Variants in PLD5 observed in about 807,000 individuals in gnomAD.
PLD5 encodes phospholipase D family member 5, also known as inactive phospholipase D5.
In PLD5, 36 loss-of-function variants were observed where a neutral mutation model predicts 61.1. That is an observed-to-expected ratio of 0.59 (90% CI 0.45 to 0.78). PLD5 has a LOEUF of 0.78. PLD5 is among the 30% of genes least tolerant of loss of function. The probability of loss-of-function intolerance (pLI) is 0.00; values close to 1 mark genes in which losing one functional copy is unlikely to be tolerated. For missense variants in PLD5, 515 were observed against 644.4 expected (o/e 0.80, Z 2.17); for synonymous variants, 243 against 242.8 (o/e 1.00, Z -0.01).
chr1:242,112,339 G>GA (rs1558233108), intron 7 of PLD5, among the ~76,000 whole-genome samples: 7 of 143,302 alleles, frequency 4.9e-5, no homozygotes, highest in African/African-American at 1.8e-4. Context: ...ATGTATATGT[G>GA]TATATATATA....
At chr1:242,501,282 C>T (rs1273440761) in intron 1 of PLD5, among the ~76,000 whole-genome samples, 1 of 152,182 alleles carries the variant, frequency 6.6e-6, no homozygotes, top group Non-Finnish European at 1.5e-5. Context: ...CTCTCATCAC[C>T]AGTGCTTTAA....
intron 2 of PLD5, among the ~76,000 whole-genome samples, chr1:242,292,206 T>A (rs1457653594): frequency 6.6e-6 from 1 of 152,176 alleles, no homozygotes; most frequent in Non-Finnish European, 1.5e-5. Context: ...TAATCCCAGA[T>A]ACTCAGTAGT....
In PLD5 at chr1:242,183,873, C is replaced by A. The variant is rs564915539; in HGVS notation, c.735+36115G>T. Among the ~76,000 whole-genome samples, 207 of 151,822 alleles carry A rather than the reference C, an allele frequency of 1.4e-3. 2 individuals are homozygous for A. Among genetic ancestry groups the A allele is most frequent in the African/African-American group, 4.6e-3 (192 of 41,384 alleles). On this transcript the variant is annotated intron_variant, in intron 5 of 9. Transcript: ENST00000536534. ...TCGCGCCACTGCACTCCAGCCTGGGCGACAGAGCGAGACTCCGTCTCAAAA... is the reference window on the plus strand; with the variant it reads ...TCGCGCCACTGCACTCCAGCCTGGGAGACAGAGCGAGACTCCGTCTCAAAA...
At chr1:242,525,197 C>T (rs981290554), upstream of PLD5, among the ~76,000 whole-genome samples, 3 of 152,338 alleles carry the variant, frequency 2.0e-5, no homozygotes, top group African/African-American at 7.2e-5. Context: ...GAGCCGTACA[C>T]GCTACTTTCA....
intron 5 of PLD5, among the ~76,000 whole-genome samples, chr1:242,163,272 T>A (rs1020738084): frequency 6.6e-6 from 1 of 151,676 alleles, no homozygotes; most frequent in Admixed American, 6.6e-5. Context: ...GCCTCCCGAG[T>A]AGCTGGGACT....
At chr1:242,236,026 T>A (rs1237840261) in intron 4 of PLD5, 1 of 152,168 alleles carries the variant, frequency 6.6e-6, no homozygotes, top group African/African-American at 2.4e-5. Context: ...GGTGCCACGG[T>A]CTGAACATGT....
At position 242,261,033 on chromosome 1, in the gene PLD5, C is replaced by G. The variant is rs187308679; in HGVS notation, c.607+4304G>C. Among the ~76,000 whole-genome samples the G allele has an allele frequency of 1.1e-4, 16 of 152,238 alleles. No individual in the cohort carries two copies. In the East Asian group the frequency reaches 2.9e-3, roughly 28 times the overall value. On this transcript the variant is annotated intron_variant, in intron 4 of 9. Coordinates refer to ENST00000536534, the MANE Select transcript of PLD5 (RefSeq NM_001372062.1). ...CAATTTCAGTAGTTTTATGATAAGA[C>G]GGTTCTAAAATTTGTTTCAAAACCT...
rs201221980 is a variant in PLD5 at position 242,194,566 on chromosome 1, A to ATATCTATCTATCTATCTATC, written c.735+25402_735+25421dup. The stretch of plus-strand genomic sequence containing the variant: ...AGTGGATAAACTGTGAGCTATCTCT[A>ATATCTATCTATCTATCTATC]TATCTATCTATCTATCTATCTATCT... On this transcript the variant is annotated intron_variant, in intron 5 of 9. Coordinates refer to ENST00000536534, the MANE Select transcript of PLD5 (RefSeq NM_001372062.1). Among the ~76,000 whole-genome samples the ATATCTATCTATCTATCTATC allele has an allele frequency of 6.1e-3, 760 of 123,898 alleles. 8 individuals carry two copies. The highest frequency in any genetic ancestry group is 0.012 in the Middle Eastern group (3 of 256). The allele number at this position is 123,898 out of a possible 152,430, so 81.3% of individuals were successfully genotyped here. A position where few individuals can be genotyped will look rare whatever the true frequency, so the allele number is the denominator to read the frequency against.
intron 6 of PLD5, among the ~76,000 whole-genome samples, chr1:242,114,979 T>C (rs148033322): frequency 0.021 from 3,209 of 151,978 alleles, 116 homozygotes; most frequent in African/African-American, 0.072. Context: ...GAGTTCAAGA[T>C]CAGCCTGGCC....
chr1:242,288,684 T>C (rs1675174378), intron 2 of PLD5, among the ~76,000 whole-genome samples, 154 bp from the exon 3 acceptor site: 2 of 152,210 alleles, frequency 1.3e-5, no homozygotes, highest in South Asian at 2.1e-4. Context: ...TCCACAAAAG[T>C]CTTCTTACAT....
intron 1 of PLD5, among the ~76,000 whole-genome samples, chr1:242,384,918 G>A (rs1463411480): frequency 6.6e-6 from 1 of 152,134 alleles, no homozygotes; most frequent in African/African-American, 2.4e-5. Context: ...GTAATATCTT[G>A]GGAAATAAAT....
At chr1:242,516,250 T>TTATATATATATATATATATATA (rs57043354) in intron 1 of PLD5, among the ~76,000 whole-genome samples, 19 of 138,606 alleles carry the variant, frequency 1.4e-4, no homozygotes, top group African/African-American at 4.1e-4. Context: ...TAAAGTTAAA[T>TTATATATATATATATATATATA]TATATATATA....
At chr1:242,271,201 CAGAGAG>C (rs60075638) in intron 3 of PLD5, among the ~76,000 whole-genome samples, 3,353 of 101,882 alleles carry the variant, frequency 0.033, 134 homozygotes, top group South Asian at 0.064. Flanking sequence ...CACACACACA[CAGAGAG>C]AGAGAGAGAG....
At chr1:242,194,638 C>CTATG (rs1668514147) in intron 5 of PLD5, among the ~76,000 whole-genome samples, 1 of 117,636 alleles carries the variant, frequency 8.5e-6, no homozygotes, top group African/African-American at 3.4e-5. Flanking sequence ...ATCTATCTAT[C>CTATG]TATCTATCTA....
At chr1:242,504,653 T>C (rs1420158995) in intron 1 of PLD5, among the ~76,000 whole-genome samples, 1 of 152,230 alleles carries the variant, frequency 6.6e-6, no homozygotes, top group Non-Finnish European at 1.5e-5. Context: ...ATTTACTTTG[T>C]AGCATATATT....
At chr1:242,485,600 G>A (rs929550260) in intron 1 of PLD5, among the ~76,000 whole-genome samples, 3 of 152,146 alleles carry the variant, frequency 2.0e-5, no homozygotes, top group Non-Finnish European at 4.4e-5. Context: ...CCATGCTCAT[G>A]GGCAAGAAGA....
chr1:242,211,383 G>A (rs1669811036), intron 5 of PLD5, among the ~76,000 whole-genome samples: 1 of 152,230 alleles, frequency 6.6e-6, no homozygotes, highest in Non-Finnish European at 1.5e-5. Flanking sequence ...TATCTAAATA[G>A]CTTGTTTACT....
intron 1 of PLD5, among the ~76,000 whole-genome samples, chr1:242,492,493 G>A (rs1668194010): frequency 6.8e-6 from 1 of 147,030 alleles, no homozygotes; most frequent in South Asian, 2.1e-4. Context: ...TTGCACTCCA[G>A]TATGGATAAC....
At chr1:242,383,186 C>T (rs896211209) in intron 1 of PLD5, among the ~76,000 whole-genome samples, 4 of 152,022 alleles carry the variant, frequency 2.6e-5, no homozygotes, top group Admixed American at 1.3e-4. Flanking sequence ...TTAGTAATTA[C>T]TTCTCATTTT....
Sources: gnomAD v4.1 joint callset for allele counts (sites outside exome capture counted in the v4.1 genomes callset) on GRCh38, gnomAD v4.1.1 for gene constraint, MANE v1.5 for transcripts, NCBI Gene and HGNC (gene_info 2026-07-23, HGNC 2026-07-21) for gene names.